Variants in MAPK6 observed in about 807,000 individuals in gnomAD.
MAPK6 encodes ERK-3.
Under a neutral mutation model 59.3 loss-of-function variants are expected in MAPK6, and 19 were observed. That is an observed-to-expected ratio of 0.32 (90% CI 0.22 to 0.47). MAPK6 has a LOEUF of 0.47. MAPK6 is among the 20% of genes least tolerant of loss of function. The probability of loss-of-function intolerance (pLI) is 1.00; values close to 1 mark genes in which losing one functional copy is unlikely to be tolerated. For synonymous variants in MAPK6, 316 were observed against 290.3 expected (o/e 1.09, Z -0.90); for missense variants, 724 against 847.9 (o/e 0.85, Z 1.81).
chr15:52,024,456 A>G (rs1180786704), intron 1 of MAPK6: 11 of 149,364 alleles, frequency 7.4e-5, no homozygotes, highest in East Asian at 3.9e-4. Context: ...GCTAGAGTGC[A>G]GTGGCACGAT....
intron 1 of MAPK6, among the ~76,000 whole-genome samples, chr15:52,028,490 C>A (rs1305804767): frequency 6.6e-6 from 1 of 152,160 alleles, no homozygotes; most frequent in Admixed American, 6.5e-5. Context: ...TAGGGCTGTA[C>A]TGTCCAGTAT....
intron 2 of MAPK6, among the ~76,000 whole-genome samples, chr15:51,999,543 T>C (rs2057236432): frequency 6.6e-6 from 1 of 152,220 alleles, no homozygotes; most frequent in Admixed American, 6.5e-5. Context: ...TTATCAGATA[T>C]ATTATTTGCA....
At chr15:51,985,277 A>C (rs1037812304) in intron 2 of MAPK6, among the ~76,000 whole-genome samples, 2 of 151,888 alleles carry the variant, frequency 1.3e-5, no homozygotes, top group Non-Finnish European at 2.9e-5. Context: ...CAGGAGTTCC[A>C]GGCTACCATG....
chr15:52,046,529 A>G lies in MAPK6; in HGVS notation c.69A>G (p.Leu23=). Residue 23 remains leucine (L), a synonymous_variant, in exon 2 of 6, where the codon TTA becomes TTG. Transcript: ENST00000261845. Reference sequence around the variant, plus strand: ...ATCTGGGTTCTAGGTATATGGACTTAAAACCATTGGGTTGTGGAGGCAATG... The same window carrying G: ...ATCTGGGTTCTAGGTATATGGACTTGAAACCATTGGGTTGTGGAGGCAATG... ...GFDLGSRYMD[L]KPLGCGGNGL... 2 of 1,614,052 alleles carry G rather than the reference A, an allele frequency of 1.2e-6. No homozygotes were observed. The highest frequency in any genetic ancestry group is 1.1e-5 in the South Asian group (1 of 91,078).
At chr15:52,042,391 T>G (rs894743033) in intron 1 of MAPK6, among the ~76,000 whole-genome samples, 1 of 152,234 alleles carries the variant, frequency 6.6e-6, no homozygotes, top group African/African-American at 2.4e-5. Flanking sequence ...GACTCTGCAG[T>G]TCTCAGTGTA....
At chr15:52,056,534 A>C (rs1432418723) in intron 3 of MAPK6, 1 of 151,886 alleles carries the variant, frequency 6.6e-6, no homozygotes, top group Non-Finnish European at 1.5e-5. Flanking sequence ...ACCACTCTCC[A>C]CAGGTCACCA....
At chr15:52,031,285 T>G (rs1339561793) in intron 1 of MAPK6, among the ~76,000 whole-genome samples, 1 of 151,836 alleles carries the variant, frequency 6.6e-6, no homozygotes, top group Non-Finnish European at 1.5e-5. Flanking sequence ...GGTTGGGGAG[T>G]GAAGGGAGAT....
intron 3 of MAPK6, among the ~76,000 whole-genome samples, chr15:52,056,220 A>AAG (rs2031978234): frequency 6.6e-6 from 1 of 152,204 alleles, no homozygotes; most frequent in African/African-American, 2.4e-5. Context: ...TCCCAGGTTA[A>AAG]CACTTGTACT....
rs964775744 is a variant in MAPK6, at chr15:51,998,687, A to ATTTTTT, written c.-769-5562_-769-5557dup. ...AGGCGTGCGCCACCATGCCTGGTTA[A>ATTTTTT]TTTTTTTTTTTTTTTTTTTTTGAGA... On this transcript the variant is annotated intron_variant, in intron 2 of 7. Transcript: ENST00000691380. 6.3e-3 allele frequency among the ~76,000 whole-genome samples: 241 copies of ATTTTTT among 38,490 alleles called. 81 individuals carry two copies. The highest frequency in any genetic ancestry group is 0.014 in the Admixed American group (24 of 1,776). 25.3% of individuals were successfully genotyped at this position (38,490 alleles called of 152,430 possible).
At chr15:51,985,774 C>T (rs1223777146) in intron 2 of MAPK6, among the ~76,000 whole-genome samples, 4 of 151,968 alleles carry the variant, frequency 2.6e-5, no homozygotes, top group African/African-American at 9.7e-5. Flanking sequence ...CTGGCTAACA[C>T]GGTGAAACCC....
intron 3 of MAPK6, among the ~76,000 whole-genome samples, chr15:52,014,172 G>C (rs1289284713): frequency 2.0e-5 from 3 of 151,048 alleles, no homozygotes; most frequent in Non-Finnish European, 4.4e-5. Flanking sequence ...TTCCATTATA[G>C]TCCAACAACC....
At chr15:51,971,840 C>T in exon 1 of MAPK6, 2 of 1,327,124 alleles carry the variant, frequency 1.5e-6, no homozygotes, top group Non-Finnish European at 2.2e-6. Flanking sequence ...CGCAAAGATT[C>T]GCCGAAGACA....
chr15:51,977,050 CT>C (rs1455822780), intron 1 of MAPK6, among the ~76,000 whole-genome samples: 3 of 151,556 alleles, frequency 2.0e-5, no homozygotes, highest in Non-Finnish European at 4.4e-5. Context: ...GTTGCCCAGG[CT>C]GGAGTGCAGT....
chr15:51,987,000 G>A (rs950402776), intron 2 of MAPK6, among the ~76,000 whole-genome samples: 3 of 151,892 alleles, frequency 2.0e-5, no homozygotes, highest in African/African-American at 7.3e-5. Context: ...GTCTTTAATG[G>A]CAGTTTGCAA....
rs2141087530 is a variant in MAPK6 at position 52,046,836 on chromosome 15, G to C, written c.376G>C (p.Glu126Gln). 2 of 1,613,960 alleles carry C rather than the reference G, an allele frequency of 1.2e-6. No individual in the cohort carries two copies. The highest frequency in any genetic ancestry group is 3.3e-4 in the Middle Eastern group (2 of 6,056). The part of the protein sequence containing the change: ...ANVLEQGPLL[E>Q]EHARLFMYQL... ...TGTGCTGGAGCAGGGCCCTTTACTGGAAGAGCATGCCAGGCTTTTCATGTA... is the reference window on the plus strand; with the variant it reads ...TGTGCTGGAGCAGGGCCCTTTACTGCAAGAGCATGCCAGGCTTTTCATGTA... Residue 126 changes from glutamate (E) to glutamine (Q), a missense_variant, in exon 2 of 6, where the codon GAA becomes CAA. Glu to Gln is a conservative substitution (Grantham distance 29). Coordinates refer to ENST00000261845, the MANE Select transcript of MAPK6 (RefSeq NM_002748.4).
chr15:52,012,194 C>T (rs1413242831), intron 3 of MAPK6, among the ~76,000 whole-genome samples: 2 of 152,238 alleles, frequency 1.3e-5, no homozygotes, highest in African/African-American at 2.4e-5. Flanking sequence ...TAGCAAATCT[C>T]TTCTGCAGGT....
chr15:52,009,164 T>G (rs751060707), intron 3 of MAPK6, among the ~76,000 whole-genome samples: 7 of 152,208 alleles, frequency 4.6e-5, no homozygotes, highest in Non-Finnish European at 8.8e-5. Flanking sequence ...CCTTGTGAGT[T>G]GAAAGCTGCT....
intron 1 of MAPK6, among the ~76,000 whole-genome samples, chr15:52,034,280 C>G (rs368497911): frequency 6.6e-6 from 1 of 151,832 alleles, no homozygotes; most frequent in Non-Finnish European, 1.5e-5. Context: ...CCACCATGCC[C>G]GGACTCCTGG....
At chr15:51,979,561 G>C (rs553911157) in intron 1 of MAPK6, among the ~76,000 whole-genome samples, 1 of 151,808 alleles carries the variant, frequency 6.6e-6, no homozygotes, top group Non-Finnish European at 1.5e-5. Flanking sequence ...GGGAGGCCAA[G>C]GTGGGCGGAT....
Sources: gnomAD v4.1 joint callset for allele counts (sites outside exome capture counted in the v4.1 genomes callset) on GRCh38, gnomAD v4.1.1 for gene constraint, MANE v1.5 for transcripts, NCBI Gene and HGNC (gene_info 2026-07-23, HGNC 2026-07-21) for gene names.